Variants in APOLD1 observed in about 807,000 individuals in gnomAD.
APOLD1 encodes the protein apolipoprotein L domain containing 1, also known as apolipoprotein L domain-containing protein 1.
In APOLD1, 22 loss-of-function variants were observed where a neutral mutation model predicts 15.3. That is an observed-to-expected ratio of 1.44 (90% CI 1.03 to 2.05). APOLD1 has a LOEUF of 2.05. Ranked by LOEUF, APOLD1 falls within the 30% of genes most tolerant of loss-of-function variation. The pLI is 0.00. For missense variants in APOLD1, 394 were observed against 353.5 expected (o/e 1.11, Z -0.92); for synonymous variants, 190 against 167.4 (o/e 1.13, Z -1.04).
chr12:12,726,432 TC>T (rs954154819), intron 1 of APOLD1: 8 of 368,822 alleles, frequency 2.2e-5, no homozygotes, highest in Non-Finnish European at 4.2e-5. Flanking sequence ...ACTTTTTTTT[TC>T]TTTTTTGTAA....
At chr12:12,748,590 C>T (rs1946783231) in intron 1 of APOLD1, among the ~76,000 whole-genome samples, 1 of 151,930 alleles carries the variant, frequency 6.6e-6, no homozygotes, top group Non-Finnish European at 1.5e-5. Flanking sequence ...AAACACTTAT[C>T]ATTTTTTTGG....
At chr12:12,757,256 A>T (rs1373895906) in intron 1 of APOLD1, among the ~76,000 whole-genome samples, 2 of 152,190 alleles carry the variant, frequency 1.3e-5, no homozygotes, top group African/African-American at 2.4e-5. Flanking sequence ...CCTGAAGCTC[A>T]GTTCTGAGGC....
At chr12:12,758,227 C>G (rs148213622) in intron 1 of APOLD1, among the ~76,000 whole-genome samples, 82 of 151,576 alleles carry the variant, frequency 5.4e-4, no homozygotes, top group African/African-American at 1.9e-3. Context: ...TGAACCACCA[C>G]GCCTGAACTA....
chr12:12,761,126 G>T (rs1414680110), intron 1 of APOLD1, among the ~76,000 whole-genome samples: 14 of 152,156 alleles, frequency 9.2e-5, no homozygotes, highest in Non-Finnish European at 1.8e-4. Flanking sequence ...AGTGTTCTTT[G>T]AATTGTATTT....
chr12:12,776,002 T>TGAA (rs1947030145), intron 1 of APOLD1, among the ~76,000 whole-genome samples: 1 of 11,164 alleles, frequency 9.0e-5, no homozygotes, highest in Non-Finnish European at 2.3e-4. Context: ...AGACCCAGTC[T>TGAA]CAAAAAAAAA....
At chr12:12,749,618 C>T (rs1373584689) in intron 1 of APOLD1, among the ~76,000 whole-genome samples, 1 of 152,180 alleles carries the variant, frequency 6.6e-6, no homozygotes, top group Non-Finnish European at 1.5e-5. Context: ...GTAACTTCAG[C>T]CTCTAATTGG....
rs1276599989 is a variant in APOLD1, at chr12:12,786,952, C to T, written c.47C>T (p.Ala16Val). The T allele has an allele frequency of 6.9e-7, 1 of 1,459,530 alleles. No homozygotes were observed. The highest frequency in any genetic ancestry group is 9.0e-7 in the Non-Finnish European group (1 of 1,114,856). The allele number at this position is 1,459,530 out of a possible 1,614,324, so 90.4% of individuals were successfully genotyped here. ...PAAREPHGPDALRRFQGLLLD... is the reference protein window; with the variant it reads ...PAAREPHGPDVLRRFQGLLLD... ...GCCCGGGAGCCGCATGGGCCCGACG[C>T]GCTGCGGCGCTTCCAGGGACTGCTG... The change falls in exon 2 of 2, where the codon GCG becomes GTG. Residue 16 changes from alanine to valine, a missense_variant. Transcript: ENST00000356591.
At chr12:12,760,779 T>C (rs1484727114) in intron 1 of APOLD1, among the ~76,000 whole-genome samples, 1 of 152,086 alleles carries the variant, frequency 6.6e-6, no homozygotes, top group African/African-American at 2.4e-5. Context: ...GAATAGATCA[T>C]TTACATATAA....
At chr12:12,746,445 G>A (rs530205574) in intron 1 of APOLD1, among the ~76,000 whole-genome samples, 7 of 152,138 alleles carry the variant, frequency 4.6e-5, no homozygotes, top group East Asian at 1.9e-4. Context: ...GCAGTGAGCC[G>A]AGATCGCACC....
At chr12:12,771,689 G>A (rs1946988446) in intron 1 of APOLD1, 4 of 448,984 alleles carry the variant, frequency 8.9e-6, no homozygotes, top group South Asian at 6.6e-5. Context: ...TCCTCAAAGA[G>A]CCAAGGGTTG....
rs963521653 is a variant in APOLD1 at position 12,789,872 on chromosome 12, G to A, written c.*2220G>A. ...AATTTCAGTACTGGGGTCGGGGAGAGGAGGTGATGTTTCTACATTTTTATT... is the reference window on the plus strand; with the variant it reads ...AATTTCAGTACTGGGGTCGGGGAGAAGAGGTGATGTTTCTACATTTTTATT... On this transcript the variant is annotated 3_prime_UTR_variant, in exon 2 of 2. Transcript: ENST00000356591. 6 of 152,320 alleles carry A rather than the reference G, an allele frequency of 3.9e-5. No homozygotes were observed. The highest frequency in any genetic ancestry group is 1.4e-4 in the African/African-American group (6 of 41,560). The allele number at this position is 152,320 out of a possible 1,614,324, so 9.4% of individuals were successfully genotyped here. A position where few individuals can be genotyped will look rare whatever the true frequency, so the allele number is the denominator to read the frequency against.
intron 1 of APOLD1, among the ~76,000 whole-genome samples, chr12:12,745,013 A>G (rs1946754924): frequency 1.3e-5 from 2 of 152,138 alleles, no homozygotes; most frequent in African/African-American, 4.8e-5. Context: ...CCTGCTTTGA[A>G]TTTATTGTTT....
At position 12,788,810 on chromosome 12, in the gene APOLD1, C is replaced by T. The variant is rs1947156018; in HGVS notation, c.*1158C>T. The T allele has an allele frequency of 6.6e-6, 1 of 152,212 alleles. No homozygotes were observed. The highest frequency in any genetic ancestry group is 2.4e-5 in the African/African-American group (1 of 41,448). The allele number at this position is 152,212 out of a possible 1,614,324, so 9.4% of individuals were successfully genotyped here. A position where few individuals can be genotyped will look rare whatever the true frequency, so the allele number is the denominator to read the frequency against. ...CCCTTGATGAGCTTTCACGAAGTCTCACGGCTTCTCTAGGGACTCCATGGT... is the reference window on the plus strand; with the variant it reads ...CCCTTGATGAGCTTTCACGAAGTCTTACGGCTTCTCTAGGGACTCCATGGT... On this transcript the variant is annotated 3_prime_UTR_variant, in exon 2 of 2. Coordinates refer to ENST00000356591, the MANE Select transcript of APOLD1 (RefSeq NM_030817.3).
At chr12:12,752,963 A>G (rs1185091848) in intron 1 of APOLD1, among the ~76,000 whole-genome samples, 1 of 152,176 alleles carries the variant, frequency 6.6e-6, no homozygotes, top group Non-Finnish European at 1.5e-5. Flanking sequence ...TAGGAGGGTG[A>G]TGATAAGATA....
chr12:12,787,557 G>A lies in APOLD1; in HGVS notation c.652G>A (p.Glu218Lys), dbSNP rs1427718366. Residue 218 changes from glutamate (E) to lysine (K), a missense_variant, in exon 2 of 2, where the codon GAG becomes AAG. By Grantham distance (56) the Glu-to-Lys change is moderately conservative (BLOSUM62 1). Coordinates refer to ENST00000356591, the MANE Select transcript of APOLD1 (RefSeq NM_030817.3). This position sits in a 1 kb window ranked among gnomAD's most constrained non-coding sequence, Gnocchi z 4.9. ...SCTGALDELS[E>K]QLESRVQLCT... The stretch of plus-strand genomic sequence containing the variant: ...CACCGGGGCTCTGGACGAACTCAGC[G>A]AGCAGCTGGAGTCTCGGGTTCAGCT... 3 of 1,613,612 alleles carry A rather than the reference G, an allele frequency of 1.9e-6. No homozygotes were observed. The highest frequency in any genetic ancestry group is 4.5e-5 in the East Asian group (2 of 44,882).
At position 12,788,033 on chromosome 12, in the gene APOLD1, A is replaced by G. The variant is rs1393010842; in HGVS notation, c.*381A>G. On this transcript the variant is annotated 3_prime_UTR_variant, in exon 2 of 2. Transcript: ENST00000356591. ...GAGTGCCATCCTCTGGGTCCTCTCC[A>G]AGTCCTACTAGTCTTTGAAGTCCTC... 5.2e-6 allele frequency: 1 copy of G among 194,078 alleles called. No homozygotes were observed. Among genetic ancestry groups the G allele is most frequent in the Non-Finnish European group, 1.1e-5 (1 of 94,916 alleles). The allele number at this position is 194,078 out of a possible 1,614,324, so 12.0% of individuals were successfully genotyped here. A position where few individuals can be genotyped will look rare whatever the true frequency, so the allele number is the denominator to read the frequency against.
At chr12:12,786,196 G>A (rs938050194) in intron 1 of APOLD1, among the ~76,000 whole-genome samples, 2 of 152,100 alleles carry the variant, frequency 1.3e-5, no homozygotes, top group Non-Finnish European at 2.9e-5. Context: ...GAGACATAAT[G>A]GTATTAATTT....
chr12:12,758,916 C>T (rs1946878250), intron 1 of APOLD1, among the ~76,000 whole-genome samples: 1 of 152,160 alleles, frequency 6.6e-6, no homozygotes, highest in African/African-American at 2.4e-5. Context: ...AGTCACTATT[C>T]TTGTACTTTG....
intron 1 of APOLD1, among the ~76,000 whole-genome samples, chr12:12,779,581 C>T (rs1276851971): frequency 1.3e-5 from 2 of 152,030 alleles, no homozygotes; most frequent in Non-Finnish European, 2.9e-5. Flanking sequence ...GGTATTTTCC[C>T]GTTTGTGAAT....
Sources: allele counts gnomAD v4.1 joint callset (sites outside exome capture counted in the v4.1 genomes callset), GRCh38; gene constraint gnomAD v4.1.1; non-coding constraint Gnocchi (gnomAD v3.1); transcripts MANE v1.5; gene names NCBI Gene and HGNC (gene_info 2026-07-23, HGNC 2026-07-21).